The following BOC variants were observed in gnomAD, a reference collection of about 807,000 sequenced individuals.
The protein encoded by BOC is brother of CDO.
Under a neutral mutation model 112.0 loss-of-function variants are expected in BOC, and 76 were observed. The ratio of observed to expected loss-of-function variants is 0.68; its 90% confidence interval spans 0.56 to 0.82. BOC has a LOEUF of 0.82. BOC is among the 40% of genes least tolerant of loss of function. The pLI, the probability that BOC is intolerant of heterozygous loss-of-function variation, is 0.00. For synonymous variants in BOC, 580 were observed against 599.8 expected (o/e 0.97, Z 0.48); for missense variants, 1,309 against 1,511.7 (o/e 0.87, Z 2.22).
chr3:113,276,984 G>A (rs944075004), intron 9 of BOC, among the ~76,000 whole-genome samples: 8 of 152,118 alleles, frequency 5.3e-5, no homozygotes, highest in African/African-American at 1.7e-4. Flanking sequence ...AAGGTGGCGC[G>A]GCAAAGATGA....
intron 1 of BOC, chr3:113,212,528 G>T (rs149279143): frequency 0.021 from 3,217 of 152,338 alleles, 58 homozygotes; most frequent in Non-Finnish European, 0.033. Context: ...GAGGGTGAGG[G>T]TTTCTCATAG....
At chr3:113,245,449 A>G (rs995580236) in intron 2 of BOC, among the ~76,000 whole-genome samples, 1 of 152,194 alleles carries the variant, frequency 6.6e-6, no homozygotes, top group African/African-American at 2.4e-5. Context: ...TCTGAAAATT[A>G]AATTCACTTA....
intron 4 of BOC, 142 bp from the exon 5 acceptor site, chr3:113,268,157 G>A: frequency 7.6e-7 from 1 of 1,307,728 alleles, no homozygotes; most frequent in Non-Finnish European, 1.0e-6. Context: ...CAAGGGGCTG[G>A]AGGAAGAACT....
At position 113,287,194 on chromosome 3, in the gene BOC, G is replaced by A. The variant is rs76690593; in HGVS notation, c.*332G>A. 2.6e-6 allele frequency: 1 copy of A among 391,986 alleles called. No homozygotes were observed. Among genetic ancestry groups the A allele is most frequent in the Non-Finnish European group, 4.9e-6 (1 of 204,066 alleles). 24.3% of individuals were successfully genotyped at this position (391,986 alleles called of 1,614,324 possible). ...AGGCCCACAGATAAGCTGGCAAGAGGAAGGATCCCAGGCACATGGTTCATC... is the reference window on the plus strand; with the variant it reads ...AGGCCCACAGATAAGCTGGCAAGAGAAAGGATCCCAGGCACATGGTTCATC... On this transcript the variant is annotated 3_prime_UTR_variant, in exon 20 of 20. Coordinates refer to ENST00000682979, the MANE Select transcript of BOC (RefSeq NM_001378074.1).
At chr3:113,265,640 C>T (rs184563418) in intron 4 of BOC, among the ~76,000 whole-genome samples, 1 of 152,328 alleles carries the variant, frequency 6.6e-6, no homozygotes, top group African/African-American at 2.4e-5. Flanking sequence ...TCAAGCAATT[C>T]CTTTCCCATA....
At chr3:113,228,933 C>T (rs540883861) in intron 2 of BOC, among the ~76,000 whole-genome samples, 9 of 151,780 alleles carry the variant, frequency 5.9e-5, no homozygotes, top group South Asian at 2.1e-4. Context: ...CCTGCTCCTC[C>T]GCTCCCATAC....
At chr3:113,226,415 G>A (rs1167080177) in intron 2 of BOC, among the ~76,000 whole-genome samples, 1 of 152,190 alleles carries the variant, frequency 6.6e-6, no homozygotes, top group South Asian at 2.1e-4. Context: ...AGACATGAGG[G>A]TGGGCTTCTG....
intron 15 of BOC, among the ~76,000 whole-genome samples, chr3:113,281,737 A>G (rs985417303): frequency 1.3e-5 from 2 of 152,256 alleles, no homozygotes; most frequent in African/African-American, 4.8e-5. Flanking sequence ...AAGCAGTTGT[A>G]TTGCAAAGAA....
chr3:113,264,204 A>G (rs940120685), intron 4 of BOC, among the ~76,000 whole-genome samples: 2 of 152,240 alleles, frequency 1.3e-5, no homozygotes, highest in Non-Finnish European at 2.9e-5. Context: ...TTGGGAGCTG[A>G]GAAACAAAAG....
At position 113,285,470 on chromosome 3, in the gene BOC, G is replaced by A. The variant is rs773561274; in HGVS notation, c.3065G>A (p.Arg1022His). 12 of 1,614,086 alleles carry A rather than the reference G, an allele frequency of 7.4e-6. No homozygotes were observed. The highest frequency in any genetic ancestry group is 6.7e-5 in the East Asian group (3 of 44,886). The change falls in exon 19 of 20, where the codon CGC (arginine) becomes CAC (histidine). Residue 1022 changes from arginine to histidine, a missense_variant. Arg to His is a conservative substitution (Grantham distance 29). Coordinates refer to ENST00000682979, the MANE Select transcript of BOC (RefSeq NM_001378074.1). ...LLQPHHDCCQ[R>H]QEQPAAVGQS... ...CAGCCCCATCACGACTGCTGCCAAC[G>A]CCAGGAGCAGCCTGCTGCTGTGGGC...
Position 113,285,357 on chromosome 3 carries a change from G to A in BOC, c.2967-15G>A. The A allele has an allele frequency of 2.5e-6, 4 of 1,612,038 alleles. No individual in the cohort carries two copies. Among genetic ancestry groups the A allele is most frequent in the Non-Finnish European group, 3.4e-6 (4 of 1,179,656 alleles). On this transcript the variant is annotated splice_polypyrimidine_tract_variant and intron_variant, in intron 18 of 19. Coordinates refer to ENST00000682979, the MANE Select transcript of BOC (RefSeq NM_001378074.1). Reference sequence around the variant, plus strand: ...TGCCCAGCCCCACCTCCCCATCTGGGCTTGTGCACTGCAGGGGTCCCAAGT... The same window carrying A: ...TGCCCAGCCCCACCTCCCCATCTGGACTTGTGCACTGCAGGGGTCCCAAGT...
intron 2 of BOC, among the ~76,000 whole-genome samples, chr3:113,243,365 G>C (rs1195729763): frequency 2.0e-5 from 3 of 152,272 alleles, no homozygotes; most frequent in Middle Eastern, 3.4e-3. Flanking sequence ...ATTTGAAAGA[G>C]ATTACACCCA....
At chr3:113,216,655 C>T (rs544944353) in intron 2 of BOC, among the ~76,000 whole-genome samples, 1 of 152,318 alleles carries the variant, frequency 6.6e-6, no homozygotes, top group Non-Finnish European at 1.5e-5. Flanking sequence ...ATGTACTGGG[C>T]AATGTTTATC....
chr3:113,218,945 T>C (rs1940029145), intron 2 of BOC, among the ~76,000 whole-genome samples: 1 of 152,212 alleles, frequency 6.6e-6, no homozygotes, highest in South Asian at 2.1e-4. Flanking sequence ...GGTGGCTTTC[T>C]ATAGGTGGGT....
At chr3:113,217,468 A>G (rs1283839745) in intron 2 of BOC, among the ~76,000 whole-genome samples, 3 of 152,112 alleles carry the variant, frequency 2.0e-5, no homozygotes, top group African/African-American at 7.2e-5. Context: ...TTGAAGTTGC[A>G]GTGAGCTGAG....
chr3:113,226,298 G>T (rs570053110), intron 2 of BOC, among the ~76,000 whole-genome samples: 1 of 152,304 alleles, frequency 6.6e-6, no homozygotes, highest in African/African-American at 2.4e-5. Context: ...TGCAGAGAGC[G>T]CAGAATGGGT....
chr3:113,237,468 C>CTCATCCT (rs1322624836), intron 2 of BOC, among the ~76,000 whole-genome samples: 1 of 152,184 alleles, frequency 6.6e-6, no homozygotes, highest in Non-Finnish European at 1.5e-5. Flanking sequence ...CAGGCATGGT[C>CTCATCCT]TCATCCTAGA....
At position 113,211,897 on chromosome 3, in the gene BOC, C is replaced by G. The variant is rs1938207019; in HGVS notation, c.-289C>G. 1 of 152,170 alleles carries G rather than the reference C, an allele frequency of 6.6e-6. No individual in the cohort carries two copies. Among genetic ancestry groups the G allele is most frequent in the Non-Finnish European group, 1.5e-5 (1 of 68,076 alleles). 9.4% of individuals were successfully genotyped at this position (152,170 alleles called of 1,614,324 possible). ...GCGGCCGCTCGCCCGTGTTGTGTGT[C>G]CCCGGTGTCACCGAGCGTGTTGTGT... On this transcript the variant is annotated 5_prime_UTR_variant, in exon 1 of 20. Coordinates refer to ENST00000682979, the MANE Select transcript of BOC (RefSeq NM_001378074.1).
chr3:113,227,847 A>G (rs1189150907), intron 2 of BOC, among the ~76,000 whole-genome samples: 2 of 152,104 alleles, frequency 1.3e-5, no homozygotes, highest in African/African-American at 4.8e-5. Context: ...TTCAGCAGTT[A>G]TCAAGACAAA....
Sources: gnomAD v4.1 joint callset for allele counts (sites outside exome capture counted in the v4.1 genomes callset) on GRCh38, gnomAD v4.1.1 for gene constraint, MANE v1.5 for transcripts, NCBI Gene and HGNC (gene_info 2026-07-23, HGNC 2026-07-21) for gene names.